Variants in THNSL1 observed in about 807,000 individuals in gnomAD.
The protein encoded by THNSL1 is threonine synthase like 1.
Under a neutral mutation model 50.4 loss-of-function variants are expected in THNSL1, and 48 were observed. That is an observed-to-expected ratio of 0.95 (90% confidence interval 0.76 to 1.21). THNSL1 has a LOEUF of 1.21. Among genes scored for constraint, THNSL1 ranks in the 50% most tolerant of loss-of-function variants. The probability of loss-of-function intolerance (pLI) is 0.00; values close to 1 mark genes in which losing one functional copy is unlikely to be tolerated. For missense variants in THNSL1, 896 were observed against 871.7 expected (o/e 1.03, Z -0.35); for synonymous variants, 309 against 306.1 (o/e 1.01, Z -0.10).
Position 25,023,314 on chromosome 10 carries a change from C to T in THNSL1, c.91C>T (p.Arg31Ter), listed in dbSNP as rs140689466. Residue 31 changes from arginine (R) to a stop codon, truncating the protein, a stop_gained, in exon 3 of 3, where the codon CGA becomes TGA. Transcript: ENST00000376356. LOFTEE classifies it high-confidence loss of function. ...TGTTAAAACGGATAAACATGCACAG[C>T]GATTTCTTTCAAGAACCTTTGCACT... ...IHVKTDKHAQ[R>*]FLSRTFALAE... is the part of the protein sequence containing the mutation. 49 of 1,613,958 alleles carry T rather than the reference C, an allele frequency of 3.0e-5. No homozygotes were observed. The highest frequency in any genetic ancestry group is 8.0e-5 in the African/African-American group (6 of 74,912).
rs762922488 is a variant in THNSL1, at chr10:25,023,517, T to C, written c.294T>C (p.Ser98=). The C allele has an allele frequency of 4.3e-6, 7 of 1,613,852 alleles. No individual in the cohort carries two copies. The Admixed American group carries it at 5.0e-5, about 12-fold the overall frequency. The part of the protein sequence containing the change: ...DDILEKTWNM[S]VSEKLQDVGN... ...TCCTTGAAAAAACCTGGAATATGAG[T>C]GTGTCTGAAAAATTACAGGATGTTG... Residue 98 remains serine (S), a synonymous_variant, in exon 3 of 3, where the codon AGT becomes AGC. Coordinates refer to ENST00000376356, the MANE Select transcript of THNSL1 (RefSeq NM_024838.5).
At chr10:24,958,734 C>A in the THNSL1 span, among the ~76,000 whole-genome samples, 1 of 152,206 alleles carries the variant, frequency 6.6e-6, no homozygotes, top group South Asian at 2.1e-4. Flanking sequence ...CACTGAAGAA[C>A]ACACAGAGGG....
the THNSL1 span, among the ~76,000 whole-genome samples, chr10:24,987,561 C>T: frequency 6.6e-6 from 1 of 152,142 alleles, no homozygotes; most frequent in Non-Finnish European, 1.5e-5. Context: ...TGCACTCCAG[C>T]CTAGGCAACA....
intron 1 of THNSL1, among the ~76,000 whole-genome samples, chr10:25,017,119 C>T (rs1015509749): frequency 3.9e-5 from 6 of 152,218 alleles, no homozygotes; most frequent in Non-Finnish European, 7.3e-5. Context: ...AGGTCGTTCT[C>T]CAGGAACCAG....
At chr10:24,963,069 C>T in the THNSL1 span, among the ~76,000 whole-genome samples, 1 of 152,174 alleles carries the variant, frequency 6.6e-6, no homozygotes, top group African/African-American at 2.4e-5. Flanking sequence ...GCTTTCCATT[C>T]TCAGATTTCT....
the THNSL1 span, among the ~76,000 whole-genome samples, chr10:24,973,859 T>G: frequency 6.6e-6 from 1 of 152,148 alleles, no homozygotes; most frequent in African/African-American, 2.4e-5. Context: ...GTTCATGTGA[T>G]TCTCCTGCCT....
At chr10:24,962,720 T>G in the THNSL1 span, among the ~76,000 whole-genome samples, 1 of 152,306 alleles carries the variant, frequency 6.6e-6, no homozygotes, top group African/African-American at 2.4e-5. Context: ...TGGTCAGTGG[T>G]TTTCTTGCCT....
chr10:24,954,128 A>G, the THNSL1 span, among the ~76,000 whole-genome samples: 11 of 152,336 alleles, frequency 7.2e-5, no homozygotes, highest in African/African-American at 2.6e-4. Context: ...GACCAGGCCC[A>G]GGAACCATAT....
chr10:24,984,642 G>A, the THNSL1 span: 62 of 1,184,160 alleles, frequency 5.2e-5, no homozygotes, highest in Admixed American at 1.2e-3. Context: ...TCTCTTCATA[G>A]TATTTTCCTT....
the THNSL1 span, among the ~76,000 whole-genome samples, chr10:24,958,883 T>A: frequency 6.6e-6 from 1 of 152,162 alleles, no homozygotes; most frequent in African/African-American, 2.4e-5. Flanking sequence ...AGCAAAAGAA[T>A]AATGTGTCCA....
chr10:25,007,128 T>G, the THNSL1 span, among the ~76,000 whole-genome samples: 2 of 152,216 alleles, frequency 1.3e-5, no homozygotes, highest in Non-Finnish European at 2.9e-5. Context: ...TGAGTCATCA[T>G]GTCTAGACAG....
the THNSL1 span, among the ~76,000 whole-genome samples, chr10:25,000,227 G>T: frequency 6.6e-6 from 1 of 152,034 alleles, no homozygotes; most frequent in East Asian, 1.9e-4. Context: ...TCTGACATTT[G>T]TTTTATGGCA....
chr10:24,977,989 CA>C, the THNSL1 span, among the ~76,000 whole-genome samples: 4 of 151,974 alleles, frequency 2.6e-5, no homozygotes, highest in Non-Finnish European at 5.9e-5. Context: ...GCAGTTTTAA[CA>C]AAAAAATATA....
chr10:24,988,765 C>A, the THNSL1 span, among the ~76,000 whole-genome samples: 2 of 108,012 alleles, frequency 1.9e-5, no homozygotes, highest in African/African-American at 3.7e-5. Context: ...AATCACTAGA[C>A]CAGATGATCC....
At chr10:25,014,505 C>A (rs1850521585), upstream of THNSL1, among the ~76,000 whole-genome samples, 1 of 151,676 alleles carries the variant, frequency 6.6e-6, no homozygotes, top group Admixed American at 6.6e-5. Context: ...AAAGACTGTT[C>A]CTATAAATTT....
chr10:25,013,763 T>C (rs1206132295), upstream of THNSL1, among the ~76,000 whole-genome samples: 1 of 152,082 alleles, frequency 6.6e-6, no homozygotes, highest in Non-Finnish European at 1.5e-5. Flanking sequence ...GCCACCATGG[T>C]GAAACCCCAT....
the THNSL1 span, among the ~76,000 whole-genome samples, chr10:24,955,287 C>T: frequency 6.6e-6 from 1 of 152,216 alleles, no homozygotes; most frequent in Non-Finnish European, 1.5e-5. Flanking sequence ...CCTCCCCCAA[C>T]ACTGGGAATT....
At chr10:24,969,456 G>T in the THNSL1 span, among the ~76,000 whole-genome samples, 1 of 152,174 alleles carries the variant, frequency 6.6e-6, no homozygotes, top group East Asian at 1.9e-4. Flanking sequence ...TGAAAAAGGA[G>T]ACCATGATGC....
At chr10:24,960,215 G>T in the THNSL1 span, among the ~76,000 whole-genome samples, 1 of 152,072 alleles carries the variant, frequency 6.6e-6, no homozygotes, top group Non-Finnish European at 1.5e-5. Context: ...TTTAGACATT[G>T]CCAGCATGTG....
Sources: allele counts gnomAD v4.1 joint callset (sites outside exome capture counted in the v4.1 genomes callset), GRCh38; gene constraint gnomAD v4.1.1; transcripts MANE v1.5; gene names NCBI Gene and HGNC (gene_info 2026-07-23, HGNC 2026-07-21).